VAV2: variants seen among roughly 807,000 people sequenced by gnomAD.
VAV2 encodes the protein vav guanine nucleotide exchange factor 2, also known as guanine nucleotide exchange factor VAV2.
In VAV2, 67 loss-of-function variants were observed where a neutral mutation model predicts 132.5. The ratio of observed to expected loss-of-function variants is 0.51; its 90% confidence interval spans 0.42 to 0.62. The LOEUF (loss-of-function observed/expected upper bound fraction) is 0.62. VAV2 is among the 20% of genes least tolerant of loss of function. The pLI, the probability that VAV2 is intolerant of heterozygous loss-of-function variation, is 0.00. For synonymous variants in VAV2, 492 were observed against 443.5 expected (o/e 1.11, Z -1.37); for missense variants, 938 against 1,153.6 (o/e 0.81, Z 2.71).
At chr9:133,988,966 C>T (rs1444497242) in intron 1 of VAV2, among the ~76,000 whole-genome samples, 1 of 152,164 alleles carries the variant, frequency 6.6e-6, no homozygotes, top group Admixed American at 6.5e-5. Flanking sequence ...AATCCCAACA[C>T]TTAGGGAGGC....
At chr9:133,911,312 C>T (rs1839877779) in intron 2 of VAV2, among the ~76,000 whole-genome samples, 3 of 152,222 alleles carry the variant, frequency 2.0e-5, no homozygotes, top group African/African-American at 7.2e-5. Context: ...AACGCCGTGT[C>T]TGTGCTGCGG....
At chr9:133,862,169 G>A (rs181775647) in intron 2 of VAV2, among the ~76,000 whole-genome samples, 21 of 152,368 alleles carry the variant, frequency 1.4e-4, no homozygotes, top group African/African-American at 4.3e-4. Context: ...CGTGATGTGG[G>A]CCTCCTCTGG....
intron 10 of VAV2, among the ~76,000 whole-genome samples, chr9:133,797,145 A>T: frequency 6.6e-6 from 1 of 152,300 alleles, no homozygotes; most frequent in East Asian, 1.9e-4. Flanking sequence ...AGCTGGGAAC[A>T]GGAGGGGCTG....
rs1369592728 is a variant in VAV2 at position 133,928,125 on chromosome 9, CCA to C, written c.321+10976_321+10977del. Among the ~76,000 whole-genome samples, 5 of 152,220 alleles carry C rather than the reference CCA, an allele frequency of 3.3e-5. No individual in the cohort carries two copies. In the East Asian group the frequency reaches 5.8e-4, roughly 18 times the overall value. ...AAGCAGAGAAAAACCTCTCCCATCC[CCA>C]GTTATAAAACGGCGGGTCAGCATCC... is the stretch of plus-strand genomic sequence containing the variant. On this transcript the variant is annotated intron_variant, in intron 2 of 29. Transcript: ENST00000371850. This position sits in a 1 kb window ranked among gnomAD's most constrained non-coding sequence, Gnocchi z 5.4.
At chr9:133,832,165 G>C (rs1836288509) in intron 4 of VAV2, among the ~76,000 whole-genome samples, 1 of 152,200 alleles carries the variant, frequency 6.6e-6, no homozygotes, top group Non-Finnish European at 1.5e-5. Context: ...GCAGGGGACA[G>C]GCATTTAACC....
intron 3 of VAV2, among the ~76,000 whole-genome samples, chr9:133,844,078 C>G (rs1348660173): frequency 1.3e-5 from 2 of 152,106 alleles, no homozygotes; most frequent in East Asian, 3.9e-4. Context: ...TCCAGAACCT[C>G]GGCAAGGCAG....
At chr9:133,905,753 A>G (rs1419772015) in intron 2 of VAV2, among the ~76,000 whole-genome samples, 2 of 151,990 alleles carry the variant, frequency 1.3e-5, no homozygotes, top group Non-Finnish European at 2.9e-5. Flanking sequence ...AGGCTCCTAT[A>G]GCTGGGCGAG....
chr9:133,886,130 G>A (rs1205882626), intron 2 of VAV2, among the ~76,000 whole-genome samples: 3 of 152,170 alleles, frequency 2.0e-5, no homozygotes, highest in Non-Finnish European at 2.9e-5. Context: ...TGGAGCAGGC[G>A]GGGAGGGAAA....
At chr9:133,923,992 G>C (rs1024742038) in intron 2 of VAV2, among the ~76,000 whole-genome samples, 2 of 152,064 alleles carry the variant, frequency 1.3e-5, no homozygotes, top group African/African-American at 4.8e-5. Flanking sequence ...AGCCTGTCGG[G>C]GGGTGGGGGA....
rs1840574789 is a variant in VAV2 at position 133,928,857 on chromosome 9, C to T, written c.321+10246G>A. ...TGGATGGTGGGTGTGGGGCAGGATA[C>T]ACTGGCCGGGTGAGGCTGGCACTCC... is the stretch of plus-strand genomic sequence containing the variant. On this transcript the variant is annotated intron_variant, in intron 2 of 29. Transcript: ENST00000371850. The surrounding 1 kb of genome is among the most constrained non-coding windows in gnomAD (Gnocchi z 5.4). Among the ~76,000 whole-genome samples the T allele has an allele frequency of 6.6e-6, 1 of 152,202 alleles. No individual in the cohort carries two copies. The highest frequency in any genetic ancestry group is 2.4e-5 in the African/African-American group (1 of 41,454).
rs1000038170 is a variant in VAV2 at position 133,928,330 on chromosome 9, A to C, written c.321+10773T>G. Among the ~76,000 whole-genome samples, 1 of 152,112 alleles carries C rather than the reference A, an allele frequency of 6.6e-6. No homozygotes were observed. Among genetic ancestry groups the C allele is most frequent in the African/African-American group, 2.4e-5 (1 of 41,432 alleles). On this transcript the variant is annotated intron_variant, in intron 2 of 29. Coordinates refer to ENST00000371850, the MANE Select transcript of VAV2 (RefSeq NM_001134398.2). This position sits in a 1 kb window ranked among gnomAD's most constrained non-coding sequence, Gnocchi z 5.4. ...ACAACAACTAGCAGATAAAAGAGGA[A>C]ATGTTTTCAAGCAGAAACTCTGAAG...
chr9:133,859,902 C>T (rs1837531096), intron 3 of VAV2, among the ~76,000 whole-genome samples: 1 of 152,224 alleles, frequency 6.6e-6, no homozygotes, highest in Non-Finnish European at 1.5e-5. Flanking sequence ...ATTAGTTATC[C>T]TCTAGAAAGT....
At chr9:133,943,883 T>C (rs542223352) in intron 1 of VAV2, among the ~76,000 whole-genome samples, 12 of 152,234 alleles carry the variant, frequency 7.9e-5, no homozygotes, top group African/African-American at 2.9e-4. Context: ...TGAAATCGGA[T>C]TAGTGTGGTG....
intron 2 of VAV2, among the ~76,000 whole-genome samples, chr9:133,924,547 C>G (rs1840406117): frequency 6.6e-6 from 1 of 152,190 alleles, no homozygotes; most frequent in South Asian, 2.1e-4. Context: ...CCAGCCTCAC[C>G]TCATCCACGG....
Position 133,795,677 on chromosome 9 carries a change from T to C in VAV2, c.1092A>G (p.Glu364=). 3.7e-6 allele frequency: 6 copies of C among 1,614,126 alleles called. No individual in the cohort carries two copies. Among genetic ancestry groups the C allele is most frequent in the South Asian group, 3.3e-5 (3 of 91,088 alleles). Residue 364 remains glutamate (E), a synonymous_variant, in exon 12 of 30, where the codon GAA becomes GAG. Transcript: ENST00000371850. ...CAGTTTACCCACACACCTGCATGGC[T>C]TCCAGTGCTTCTTTGAGCTGCTGCC... The part of the protein sequence containing the change: ...PERQQLKEAL[E]AMQDLAMYIN...
chr9:133,832,645 G>A (rs1339995468), intron 4 of VAV2, among the ~76,000 whole-genome samples: 1 of 151,818 alleles, frequency 6.6e-6, no homozygotes, highest in South Asian at 2.1e-4. Flanking sequence ...TGTAACCTCC[G>A]CCTCCTGAGT....
At chr9:133,797,678 C>CA (rs778236864) in intron 10 of VAV2, 32 bp downstream of exon 10, 2 of 1,595,002 alleles carry the variant, frequency 1.3e-6, no homozygotes, top group African/African-American at 2.7e-5. Flanking sequence ...ACCTTGGAGC[C>CA]AGGGCCAGGG....
At chr9:133,859,112 G>A (rs1390636328) in intron 3 of VAV2, among the ~76,000 whole-genome samples, 1 of 152,066 alleles carries the variant, frequency 6.6e-6, no homozygotes. Context: ...GTGGCCCGGA[G>A]GGAGGGTGCC....
chr9:133,784,829 C>T (rs1834152629), intron 17 of VAV2, among the ~76,000 whole-genome samples: 1 of 152,122 alleles, frequency 6.6e-6, no homozygotes, highest in Non-Finnish European at 1.5e-5. Flanking sequence ...AGGGGGGCTG[C>T]ACTGGTGTGC....
Sources: allele counts gnomAD v4.1 joint callset (sites outside exome capture counted in the v4.1 genomes callset), GRCh38; gene constraint gnomAD v4.1.1; non-coding constraint Gnocchi (gnomAD v3.1); transcripts MANE v1.5; gene names NCBI Gene and HGNC (gene_info 2026-07-23, HGNC 2026-07-21).